The following PALM2AKAP2 variants were observed in gnomAD, a reference collection of about 807,000 sequenced individuals.
The protein encoded by PALM2AKAP2 is PALM2 and AKAP2 fusion.
A neutral mutation model predicts 71.5 loss-of-function variants in PALM2AKAP2; 37 were observed. The observed-to-expected ratio is 0.52, with a 90% CI of 0.40 to 0.68. The LOEUF (loss-of-function observed/expected upper bound fraction) is 0.68. Among genes scored for constraint, PALM2AKAP2 ranks in the 30% least tolerant of loss-of-function variants. The pLI is 0.00. For missense variants in PALM2AKAP2, 1,224 were observed against 1,191.8 expected (o/e 1.03, Z -0.40); for synonymous variants, 468 against 478.8 (o/e 0.98, Z 0.29).
In PALM2AKAP2 at chr9:109,952,094, G is replaced by T. The variant is rs547554096; in HGVS notation, c.496+20066G>T. 5.3e-5 allele frequency among the ~76,000 whole-genome samples: 8 copies of T among 152,294 alleles called. No homozygotes were observed. In the South Asian group the frequency reaches 1.7e-3, roughly 32 times the overall value. ...TTTCAATAAATGGCCAGATAGTTTT[G>T]GCTTTGTGGGCCAAATGATCTCTGT... On this transcript the variant is annotated intron_variant, in intron 6 of 9. Coordinates refer to the PALM2AKAP2 transcript ENST00000302798.
intron 3 of PALM2AKAP2, among the ~76,000 whole-genome samples, chr9:109,891,447 ACAGGTCG>A (rs1388899550): frequency 6.6e-6 from 1 of 152,084 alleles, no homozygotes; most frequent in Non-Finnish European, 1.5e-5. Flanking sequence ...GAAGACTTTT[ACAGGTCG>A]CAGGGGAACA....
intron 1 of PALM2AKAP2, among the ~76,000 whole-genome samples, chr9:109,752,633 T>G (rs10980025): frequency 0.3 from 46,333 of 151,994 alleles, 7,215 homozygotes; most frequent in Middle Eastern, 0.4. Context: ...TGACCTTGAA[T>G]CTGGAAGCAG....
chr9:110,129,534 G>A (rs1042453622), intron 1 of PALM2AKAP2, among the ~76,000 whole-genome samples: 2 of 152,170 alleles, frequency 1.3e-5, no homozygotes, highest in African/African-American at 4.8e-5. Context: ...TTTTAAGACT[G>A]AAATAAAATT....
chr9:110,159,488 G>A (rs913712675), intron 3 of PALM2AKAP2, among the ~76,000 whole-genome samples: 8 of 152,188 alleles, frequency 5.3e-5, no homozygotes, highest in Admixed American at 2.6e-4. Context: ...TTTGCCCATC[G>A]AAAGTAACAG....
chr9:110,105,445 G>A (rs1416762395), intron 1 of PALM2AKAP2, among the ~76,000 whole-genome samples: 1 of 152,104 alleles, frequency 6.6e-6, no homozygotes, highest in Non-Finnish European at 1.5e-5. Context: ...TAAAGTTTTG[G>A]GCAGGTTTTG....
chr9:110,010,554 A>G (rs149901127), intron 6 of PALM2AKAP2, among the ~76,000 whole-genome samples: 1,529 of 147,818 alleles, frequency 0.01, 26 homozygotes, highest in African/African-American at 0.036. Flanking sequence ...AATTCTATAT[A>G]TAGAATATAT....
At chr9:109,997,554 A>G (rs1832596291) in intron 6 of PALM2AKAP2, among the ~76,000 whole-genome samples, 1 of 152,148 alleles carries the variant, frequency 6.6e-6, no homozygotes, top group Admixed American at 6.6e-5. Context: ...CTCAGAGAGG[A>G]CTCCCCTACT....
chr9:110,078,490 T>C (rs960099355), intron 1 of PALM2AKAP2, among the ~76,000 whole-genome samples: 15 of 152,236 alleles, frequency 9.9e-5, no homozygotes, highest in Admixed American at 9.8e-4. Context: ...TAAGTTTTGT[T>C]TTTGTTTCAC....
At chr9:109,706,741 T>C (rs925416983) in intron 1 of PALM2AKAP2, among the ~76,000 whole-genome samples, 3 of 152,210 alleles carry the variant, frequency 2.0e-5, no homozygotes, top group Non-Finnish European at 4.4e-5. Flanking sequence ...AAGAATGACA[T>C]ATTTATACAT....
At chr9:109,943,350 G>A (rs761683188) in intron 6 of PALM2AKAP2, 14 of 1,614,118 alleles carry the variant, frequency 8.7e-6, no homozygotes, top group Non-Finnish European at 1.2e-5. Flanking sequence ...CAGAAGGGAA[G>A]GAAGAGAGCC....
intron 1 of PALM2AKAP2, among the ~76,000 whole-genome samples, chr9:109,768,617 A>G (rs959419515): frequency 1.3e-5 from 2 of 152,216 alleles, no homozygotes; most frequent in Non-Finnish European, 2.9e-5. Context: ...ACATACTACA[A>G]ACAGTAAGCT....
At chr9:109,741,173 G>A (rs943780208) in intron 1 of PALM2AKAP2, among the ~76,000 whole-genome samples, 13 of 152,248 alleles carry the variant, frequency 8.5e-5, no homozygotes, top group African/African-American at 3.1e-4. Context: ...GGTAACCAGT[G>A]TTCTGATTTC....
chr9:109,996,466 G>T (rs1236213874), intron 6 of PALM2AKAP2, among the ~76,000 whole-genome samples: 1 of 152,218 alleles, frequency 6.6e-6, no homozygotes, highest in African/African-American at 2.4e-5. Flanking sequence ...GCACAGGCTA[G>T]CCAAAACAAA....
At chr9:110,110,082 G>A (rs752808964) in intron 1 of PALM2AKAP2, among the ~76,000 whole-genome samples, 5 of 152,208 alleles carry the variant, frequency 3.3e-5, no homozygotes, top group Non-Finnish European at 7.3e-5. Context: ...AAGTTGCTAA[G>A]AGGGTAGATT....
At chr9:109,974,970 A>G (rs1832145121) in intron 6 of PALM2AKAP2, among the ~76,000 whole-genome samples, 1 of 152,184 alleles carries the variant, frequency 6.6e-6, no homozygotes, top group Non-Finnish European at 1.5e-5. Flanking sequence ...TTTGAAACAG[A>G]TGACTCTACT....
chr9:110,164,485 G>A (rs941017091), intron 3 of PALM2AKAP2, among the ~76,000 whole-genome samples: 25 of 150,456 alleles, frequency 1.7e-4, no homozygotes, highest in Non-Finnish European at 2.1e-4. Context: ...ACCTGAATGT[G>A]AATTTGTGAA....
intron 6 of PALM2AKAP2, among the ~76,000 whole-genome samples, chr9:110,000,147 G>T (rs1457220638): frequency 6.6e-6 from 1 of 151,394 alleles, no homozygotes; most frequent in African/African-American, 2.4e-5. Context: ...ATCTCCTAAT[G>T]CTATCCCTCC....
intron 1 of PALM2AKAP2, among the ~76,000 whole-genome samples, chr9:109,645,431 G>A (rs66619951): frequency 0.097 from 14,749 of 151,880 alleles, 852 homozygotes; most frequent in South Asian, 0.2. Context: ...GGGACACAGA[G>A]AGAAACCATA....
intron 1 of PALM2AKAP2, among the ~76,000 whole-genome samples, chr9:109,722,673 G>A (rs1828423937): frequency 6.6e-6 from 1 of 152,152 alleles, no homozygotes; most frequent in African/African-American, 2.4e-5. Flanking sequence ...TCGTGAGGCT[G>A]AGGTGGGGGG....
Sources: allele counts gnomAD v4.1 joint callset (sites outside exome capture counted in the v4.1 genomes callset), GRCh38; gene constraint gnomAD v4.1.1; transcripts MANE v1.5; gene names NCBI Gene and HGNC (gene_info 2026-07-23, HGNC 2026-07-21).